Variants in DIP2C observed in about 807,000 individuals in gnomAD.
The protein encoded by DIP2C is DIP2 acetate--CoA ligase C (putative).
A neutral mutation model predicts 192.4 loss-of-function variants in DIP2C; 33 were observed. That is an observed-to-expected ratio of 0.17 (90% CI 0.13 to 0.23). The LOEUF (loss-of-function observed/expected upper bound fraction) is 0.23. Ranked by LOEUF, DIP2C falls within the 10% of genes least tolerant of loss-of-function variation. The probability of loss-of-function intolerance (pLI) is 1.00; values close to 1 mark genes in which losing one functional copy is unlikely to be tolerated. For missense variants in DIP2C, 1,537 were observed against 2,110.1 expected, an observed-to-expected ratio of 0.73 and a Z score of 5.32; for synonymous variants, 979 against 864.1, an observed-to-expected ratio of 1.13 and a Z score of -2.33.
intron 31 of DIP2C, chr10:311,471 G>A (rs1160363550): frequency 4.7e-5 from 57 of 1,206,692 alleles, no homozygotes; most frequent in Non-Finnish European, 5.6e-5. Context: ...TCCCACGGCT[G>A]GATGCGGGCA....
chr10:417,585 C>T (rs1344758522), intron 6 of DIP2C, among the ~76,000 whole-genome samples: 3 of 152,124 alleles, frequency 2.0e-5, no homozygotes, highest in Non-Finnish European at 4.4e-5. Flanking sequence ...TGGCAGTGCG[C>T]CTGTTGGAGC....
At chr10:571,535 C>A (rs1171447630) in intron 1 of DIP2C, among the ~76,000 whole-genome samples, 1 of 152,010 alleles carries the variant, frequency 6.6e-6, no homozygotes, top group African/African-American at 2.4e-5. Context: ...CTCCCTCCCT[C>A]ATCTCCTTTC....
intron 28 of DIP2C, among the ~76,000 whole-genome samples, chr10:342,596 G>C (rs941566503): frequency 1.3e-5 from 2 of 152,224 alleles, no homozygotes; most frequent in African/African-American, 4.8e-5. Context: ...CATGTGGCCA[G>C]CAAGACCTGC....
chr10:339,522 G>A (rs1958039870), intron 29 of DIP2C, among the ~76,000 whole-genome samples: 1 of 152,178 alleles, frequency 6.6e-6, no homozygotes, highest in East Asian at 1.9e-4. Context: ...TGGGGAGCCA[G>A]GCTTGGTAAG....
intron 31 of DIP2C, among the ~76,000 whole-genome samples, chr10:314,832 T>G (rs1274625366): frequency 6.6e-6 from 1 of 152,190 alleles, no homozygotes; most frequent in Non-Finnish European, 1.5e-5. Flanking sequence ...TCTAATCACC[T>G]TCTAAAGGCC....
At chr10:558,646 A>T (rs1242069763) in intron 1 of DIP2C, among the ~76,000 whole-genome samples, 1 of 152,188 alleles carries the variant, frequency 6.6e-6, no homozygotes, top group Non-Finnish European at 1.5e-5. Flanking sequence ...TAAGCCTGAA[A>T]GTGTGTTTCT....
At chr10:605,532 C>T (rs1852399419) in intron 1 of DIP2C, among the ~76,000 whole-genome samples, 2 of 152,212 alleles carry the variant, frequency 1.3e-5, no homozygotes, top group Non-Finnish European at 2.9e-5. Flanking sequence ...GGAGAAAGCT[C>T]TCAGCTTAAG....
chr10:487,050 C>T (rs1844066401), intron 1 of DIP2C, among the ~76,000 whole-genome samples: 1 of 152,210 alleles, frequency 6.6e-6, no homozygotes, highest in South Asian at 2.1e-4. Context: ...GGTGTGAAAC[C>T]TGCAGAAATC....
At chr10:292,340 C>A (rs1174068059) in intron 32 of DIP2C, among the ~76,000 whole-genome samples, 1 of 152,254 alleles carries the variant, frequency 6.6e-6, no homozygotes, top group African/African-American at 2.4e-5. Context: ...CTCTTCCAGC[C>A]TGGCCTCTGT....
intron 1 of DIP2C, among the ~76,000 whole-genome samples, chr10:533,450 A>G (rs149419153): frequency 0.01 from 1,562 of 152,224 alleles, 23 homozygotes; most frequent in African/African-American, 0.036. Context: ...TCTCAAGGAC[A>G]AAGGTGCTCA....
intron 6 of DIP2C, 144 bp downstream of exon 6, chr10:418,921 T>C: frequency 1.3e-5 from 17 of 1,273,566 alleles, no homozygotes; most frequent in East Asian, 7.4e-5. Flanking sequence ...CCACCTTCCA[T>C]GAGAGGCTCC....
chr10:491,615 C>T (rs969333910), intron 1 of DIP2C, among the ~76,000 whole-genome samples: 6 of 152,210 alleles, frequency 3.9e-5, no homozygotes, highest in Admixed American at 2.6e-4. Context: ...CATGGGCCAG[C>T]TAACTAGTGT....
intron 1 of DIP2C, among the ~76,000 whole-genome samples, chr10:613,050 A>G (rs1853209314): frequency 6.6e-6 from 1 of 152,186 alleles, no homozygotes. Flanking sequence ...CACACCCAGG[A>G]AGAGGTCACA....
At chr10:341,905 A>G (rs1375553364) in intron 28 of DIP2C, among the ~76,000 whole-genome samples, 1 of 152,120 alleles carries the variant, frequency 6.6e-6, no homozygotes, top group Non-Finnish European at 1.5e-5. Flanking sequence ...ACAAAACCCA[A>G]AAGAACAACA....
chr10:633,867 C>T (rs954695948), intron 1 of DIP2C, among the ~76,000 whole-genome samples: 5 of 152,220 alleles, frequency 3.3e-5, no homozygotes, highest in East Asian at 1.9e-4. Context: ...TGGGAACTGA[C>T]GAACATCTCT....
intron 1 of DIP2C, among the ~76,000 whole-genome samples, chr10:505,920 T>C (rs936481389): frequency 2.6e-5 from 4 of 152,156 alleles, no homozygotes; most frequent in African/African-American, 9.7e-5. Context: ...CTGTAAAAAC[T>C]CCCTTTCAGA....
rs553773706 is a variant in DIP2C at position 582,512 on chromosome 10, G to A, written c.86-95982C>T. On this transcript the variant is annotated intron_variant, in intron 1 of 36. Coordinates refer to ENST00000280886, the MANE Select transcript of DIP2C (RefSeq NM_014974.3). ...GTGGGAGGATCGCCTGAGCCAGGGA[G>A]GTCCAGGCTGCAGTGAGCTGGGATC... Among the ~76,000 whole-genome samples, 15 of 152,348 alleles carry A rather than the reference G, an allele frequency of 9.8e-5. No homozygotes were observed. The East Asian group carries it at 1.9e-3, about 20-fold the overall frequency.
At chr10:575,153 G>A (rs753603854) in intron 1 of DIP2C, among the ~76,000 whole-genome samples, 25 of 152,108 alleles carry the variant, frequency 1.6e-4, no homozygotes, top group Non-Finnish European at 3.4e-4. Context: ...CAAAAACAGC[G>A]GAAAAGCAAA....
At chr10:280,270 G>C (rs569463936) in intron 36 of DIP2C, among the ~76,000 whole-genome samples, 1 of 152,280 alleles carries the variant, frequency 6.6e-6, no homozygotes, top group African/African-American at 2.4e-5. Context: ...GCTAAGAGGA[G>C]GAAGGAACAA....
Sources: allele counts gnomAD v4.1 joint callset (sites outside exome capture counted in the v4.1 genomes callset), GRCh38; gene constraint gnomAD v4.1.1; transcripts MANE v1.5; gene names NCBI Gene and HGNC (gene_info 2026-07-23, HGNC 2026-07-21).